The following NARS2 variants were observed in gnomAD, a reference collection of about 807,000 sequenced individuals.
The protein encoded by NARS2 is asparaginyl-tRNA synthetase.
Under a neutral mutation model 62.9 loss-of-function variants are expected in NARS2, and 60 were observed. That is an observed-to-expected ratio of 0.95 (90% confidence interval 0.77 to 1.18). The LOEUF is 1.18. Among genes scored for constraint, NARS2 ranks in the 50% most tolerant of loss-of-function variants. The probability of loss-of-function intolerance (pLI) is 0.00; values close to 1 mark genes in which losing one functional copy is unlikely to be tolerated. For synonymous variants in NARS2, 196 were observed against 200.0 expected, an observed-to-expected ratio of 0.98 and a Z score of 0.17; for missense variants, 619 against 576.4, an observed-to-expected ratio of 1.07 and a Z score of -0.76.
intron 5 of NARS2, chr11:78,558,543 A>AAGTACCAC (rs1306660762): frequency 6.6e-6 from 1 of 152,226 alleles, no homozygotes; most frequent in Non-Finnish European, 1.5e-5. Context: ...AGAAGTACCA[A>AAGTACCAC]AGTACCACTC....
intron 3 of NARS2, among the ~76,000 whole-genome samples, chr11:78,566,957 A>C (rs994027283): frequency 1.3e-5 from 1 of 74,260 alleles, no homozygotes; most frequent in Non-Finnish European, 3.9e-5. Context: ...TGTTTCTTTC[A>C]GTCTCATCCA....
At chr11:78,499,530 C>T (rs542403329) in intron 6 of NARS2, among the ~76,000 whole-genome samples, 6 of 152,186 alleles carry the variant, frequency 3.9e-5, no homozygotes, top group East Asian at 3.9e-4. Flanking sequence ...TTCTGTTCTG[C>T]GAAATAATAG....
At chr11:78,458,264 C>T (rs10793313) in intron 11 of NARS2, among the ~76,000 whole-genome samples, 34,171 of 151,928 alleles carry the variant, frequency 0.22, 4,175 homozygotes, top group East Asian at 0.41. Context: ...GTCAACTAAA[C>T]ATGAAAGGGG....
rs148993906 is a variant in NARS2, at chr11:78,562,134, T to C, written c.514-2515A>G. Reference sequence around the variant, plus strand: ...AGACATTCTACACAAAGGTAAAGAATACTCCACATAGGCTGGGGCACAGTG... The same window carrying C: ...AGACATTCTACACAAAGGTAAAGAACACTCCACATAGGCTGGGGCACAGTG... On this transcript the variant is annotated intron_variant, in intron 4 of 13. Coordinates refer to ENST00000281038, the MANE Select transcript of NARS2 (RefSeq NM_024678.6). Among the ~76,000 whole-genome samples the C allele has an allele frequency of 2.3e-3, 349 of 152,266 alleles. 2 individuals are homozygous for C. The highest frequency in any genetic ancestry group is 5.0e-3 in the South Asian group (24 of 4,822).
At chr11:78,529,732 C>T (rs1349302960) in intron 5 of NARS2, among the ~76,000 whole-genome samples, 2 of 152,156 alleles carry the variant, frequency 1.3e-5, no homozygotes, top group Non-Finnish European at 2.9e-5. Flanking sequence ...CATTATGTTG[C>T]CCAGGCTGGT....
intron 7 of NARS2, among the ~76,000 whole-genome samples, chr11:78,482,847 T>A (rs1238749074): frequency 6.6e-6 from 1 of 152,146 alleles, no homozygotes; most frequent in African/African-American, 2.4e-5. Flanking sequence ...TCTAAAATTA[T>A]TCCAAACAAC....
chr11:78,467,915 T>C (rs571238291), intron 10 of NARS2, among the ~76,000 whole-genome samples: 2 of 152,138 alleles, frequency 1.3e-5, no homozygotes, highest in South Asian at 2.1e-4. Flanking sequence ...TAGTCGATCA[T>C]GGCTCACTGC....
In NARS2 at chr11:78,568,769, C is replaced by A; in HGVS notation, c.252-17G>T. On this transcript the variant is annotated splice_polypyrimidine_tract_variant and intron_variant, in intron 2 of 13. Transcript: ENST00000281038. ...TTTAATTCTCTATAGTAACAAAAAA[C>A]AAGATAAACAAGATATCATTATATA... is the stretch of plus-strand genomic sequence containing the variant. The A allele has an allele frequency of 1.3e-6, 2 of 1,542,240 alleles. No homozygotes were observed. The highest frequency in any genetic ancestry group is 1.8e-6 in the Non-Finnish European group (2 of 1,127,080).
chr11:78,493,687 GA>G (rs553347200), intron 6 of NARS2, among the ~76,000 whole-genome samples: 2,899 of 145,308 alleles, frequency 0.02, 70 homozygotes, highest in African/African-American at 0.06. Context: ...AAAAAAAAAA[GA>G]AAAAAAAAAG....
chr11:78,486,714 T>C (rs1245826003), intron 7 of NARS2, among the ~76,000 whole-genome samples: 1 of 152,040 alleles, frequency 6.6e-6, no homozygotes, highest in Non-Finnish European at 1.5e-5. Flanking sequence ...TACTTAAAAA[T>C]TACCGGACAT....
At chr11:78,538,623 G>T (rs548571426) in intron 5 of NARS2, among the ~76,000 whole-genome samples, 2 of 152,136 alleles carry the variant, frequency 1.3e-5, no homozygotes, top group South Asian at 2.1e-4. Context: ...AGATCAGTAC[G>T]TGGGAAGGGG....
intron 4 of NARS2, among the ~76,000 whole-genome samples, chr11:78,563,829 CAAAA>C (rs1167838676): frequency 2.1e-4 from 3 of 14,120 alleles, no homozygotes; most frequent in African/African-American, 2.7e-4. Flanking sequence ...AACTCTGTAT[CAAAA>C]AAAAAAAAAA....
chr11:78,543,780 C>G (rs902536836), intron 5 of NARS2, among the ~76,000 whole-genome samples: 3 of 152,048 alleles, frequency 2.0e-5, no homozygotes, highest in Admixed American at 6.6e-5. Flanking sequence ...TGGCTGTAAT[C>G]CTAGCACTTT....
chr11:78,449,112 CT>C (rs1187358758), intron 11 of NARS2, among the ~76,000 whole-genome samples: 5 of 146,246 alleles, frequency 3.4e-5, no homozygotes, highest in African/African-American at 1.3e-4. Flanking sequence ...GTTTCTAAAC[CT>C]TTTGAGTCAC....
intron 9 of NARS2, 29 bp downstream of exon 9, chr11:78,478,409 A>T (rs1021716919): frequency 1.1e-6 from 1 of 942,284 alleles, no homozygotes; most frequent in Non-Finnish European, 1.5e-6. Context: ...GATAATGAAT[A>T]AAGTTCAAAA....
chr11:78,562,844 T>C (rs1688284679), intron 4 of NARS2, among the ~76,000 whole-genome samples: 1 of 152,182 alleles, frequency 6.6e-6, no homozygotes, highest in South Asian at 2.1e-4. Context: ...ACTGTTCAAG[T>C]TTCCATTTTT....
At chr11:78,571,559 T>A (rs1856923832) in intron 1 of NARS2, 115 bp from the exon 2 acceptor site, 4 of 664,064 alleles carry the variant, frequency 6.0e-6, no homozygotes, top group Non-Finnish European at 1.1e-5. Context: ...CCTCAACAAA[T>A]CAACTTCTTT....
chr11:78,450,362 A>G (rs1857923726), intron 11 of NARS2, among the ~76,000 whole-genome samples: 1 of 152,194 alleles, frequency 6.6e-6, no homozygotes, highest in Non-Finnish European at 1.5e-5. Flanking sequence ...AGACATCTGG[A>G]TACAGTCCCA....
intron 11 of NARS2, among the ~76,000 whole-genome samples, chr11:78,461,575 T>C (rs1026772544): frequency 4.4e-5 from 5 of 113,746 alleles, no homozygotes; most frequent in East Asian, 2.5e-4. Context: ...AGTAGGAGTA[T>C]AGAATGAGTG....
Sources: allele counts gnomAD v4.1 joint callset (sites outside exome capture counted in the v4.1 genomes callset), GRCh38; gene constraint gnomAD v4.1.1; transcripts MANE v1.5; gene names NCBI Gene and HGNC (gene_info 2026-07-23, HGNC 2026-07-21).